The following FAR2 variants were observed in gnomAD, a reference collection of about 807,000 sequenced individuals.
The protein encoded by FAR2 is fatty acyl-CoA reductase 2, also known as epididymis secretory protein Li 81.
In FAR2, 19 loss-of-function variants were observed where a neutral mutation model predicts 56.0. That is an observed-to-expected ratio of 0.34 (90% CI 0.24 to 0.50). The LOEUF is 0.50. FAR2 is among the 20% of genes least tolerant of loss of function. FAR2 has a pLI of 0.98. For missense variants in FAR2, 508 were observed against 642.2 expected (o/e 0.79, Z 2.26); for synonymous variants, 219 against 218.8 (o/e 1.00, Z -0.01).
At chr12:29,188,554 C>T (rs1365821848) in intron 1 of FAR2, among the ~76,000 whole-genome samples, 1 of 152,108 alleles carries the variant, frequency 6.6e-6, no homozygotes, top group African/African-American at 2.4e-5. Flanking sequence ...CACCCAGTTC[C>T]CACCATTGTT....
intron 1 of FAR2, among the ~76,000 whole-genome samples, chr12:29,260,451 TG>T (rs1241883534): frequency 6.6e-6 from 1 of 152,222 alleles, no homozygotes; most frequent in African/African-American, 2.4e-5. Flanking sequence ...TTTGTTTTCC[TG>T]TCAAAGCACT....
intron 1 of FAR2, among the ~76,000 whole-genome samples, chr12:29,221,582 T>C (rs1398288010): frequency 6.6e-6 from 1 of 152,180 alleles, no homozygotes; most frequent in African/African-American, 2.4e-5. Context: ...ATCTATTCGA[T>C]TTCTCTTTTG....
At chr12:29,159,644 TTGGG>T (rs1363234839) in intron 1 of FAR2, among the ~76,000 whole-genome samples, 2 of 152,166 alleles carry the variant, frequency 1.3e-5, no homozygotes, top group African/African-American at 4.8e-5. Flanking sequence ...ACCGCAAGGC[TTGGG>T]GGTTATTAGC....
chr12:29,264,248 A>G (rs1948474170), intron 1 of FAR2, among the ~76,000 whole-genome samples: 2 of 152,194 alleles, frequency 1.3e-5, no homozygotes, highest in African/African-American at 4.8e-5. Flanking sequence ...TTAATGCTGA[A>G]AAAAGCATTT....
chr12:29,282,333 CAG>C (rs1005453882), intron 2 of FAR2: 21 of 152,176 alleles, frequency 1.4e-4, no homozygotes, highest in African/African-American at 5.1e-4. Flanking sequence ...CTGTCTGGGT[CAG>C]AGTTTCTTCT....
chr12:29,275,762 G>T (rs1159469075), intron 2 of FAR2, among the ~76,000 whole-genome samples: 5 of 152,126 alleles, frequency 3.3e-5, no homozygotes, highest in Admixed American at 6.5e-5. Flanking sequence ...GAGTCTTGTG[G>T]TCAACCCAAT....
chr12:29,216,998 G>C (rs1214800912), intron 1 of FAR2, among the ~76,000 whole-genome samples: 1 of 152,178 alleles, frequency 6.6e-6, no homozygotes, highest in East Asian at 1.9e-4. Context: ...CTAATCGCTG[G>C]CATTTAAAGA....
At position 29,321,785 on chromosome 12, in the gene FAR2, G is replaced by T. The variant is rs1231749406; in HGVS notation, c.1128-10G>T. On this transcript the variant is annotated splice_polypyrimidine_tract_variant and intron_variant, in intron 9 of 11. Coordinates refer to ENST00000536681, the MANE Select transcript of FAR2 (RefSeq NM_001271783.2). ...CGCTGATATTTACTCCTATCTGATG[G>T]TTATCTCAGGATGACAAAGCTCATG... 1.2e-6 allele frequency: 2 copies of T among 1,612,154 alleles called. No individual in the cohort carries two copies. The highest frequency in any genetic ancestry group is 1.3e-5 in the African/African-American group (1 of 74,872).
chr12:29,231,122 G>A (rs1180691489), intron 1 of FAR2, among the ~76,000 whole-genome samples: 2 of 152,170 alleles, frequency 1.3e-5, no homozygotes, highest in African/African-American at 2.4e-5. Context: ...TTCCAAACTG[G>A]GACTGGCTGC....
intron 1 of FAR2, among the ~76,000 whole-genome samples, chr12:29,167,031 G>A (rs1389739394): frequency 6.6e-6 from 1 of 151,840 alleles, no homozygotes; most frequent in Non-Finnish European, 1.5e-5. Flanking sequence ...CTTTTTATTT[G>A]TTACTCCCAA....
intron 2 of FAR2, among the ~76,000 whole-genome samples, chr12:29,279,925 A>G (rs570288449): frequency 8.5e-4 from 110 of 128,830 alleles, no homozygotes; most frequent in African/African-American, 3.2e-3. Context: ...ATTGTGCAAT[A>G]TAATTTTTTT....
intron 2 of FAR2, among the ~76,000 whole-genome samples, chr12:29,284,912 G>A (rs1369360298): frequency 2.6e-5 from 4 of 152,108 alleles, no homozygotes; most frequent in Non-Finnish European, 5.9e-5. Flanking sequence ...CGCGATCTCG[G>A]CTCACTGCAA....
intron 9 of FAR2, 116 bp from the exon 10 acceptor site, chr12:29,321,678 AG>A: frequency 8.6e-7 from 1 of 1,159,746 alleles, no homozygotes; most frequent in Non-Finnish European, 1.2e-6. Context: ...AATTTTAATG[AG>A]GAGTGGTAGA....
intron 4 of FAR2, among the ~76,000 whole-genome samples, chr12:29,305,609 T>C (rs1471082789): frequency 6.6e-6 from 1 of 152,216 alleles, no homozygotes; most frequent in Admixed American, 6.5e-5. Context: ...ATGAGTATAA[T>C]TATTGCCATT....
At chr12:29,285,242 A>G (rs186171585) in intron 2 of FAR2, among the ~76,000 whole-genome samples, 6 of 152,282 alleles carry the variant, frequency 3.9e-5, no homozygotes, top group African/African-American at 1.2e-4. Context: ...TCAACTTCCA[A>G]AAATGAATTT....
At chr12:29,308,623 T>C (rs1591954778) in intron 5 of FAR2, among the ~76,000 whole-genome samples, 1 of 151,596 alleles carries the variant, frequency 6.6e-6, no homozygotes, top group Admixed American at 6.6e-5. Flanking sequence ...CACATTTCCC[T>C]CTAGCTGCTC....
chr12:29,307,407 GCCTA>G (rs58056460), intron 4 of FAR2, among the ~76,000 whole-genome samples: 3,313 of 151,306 alleles, frequency 0.022, 101 homozygotes, highest in African/African-American at 0.066. Flanking sequence ...CTACCTGCCT[GCCTA>G]CCTACCTACC....
intron 3 of FAR2, among the ~76,000 whole-genome samples, chr12:29,296,347 T>A (rs1297494168): frequency 6.6e-6 from 1 of 152,204 alleles, no homozygotes; most frequent in Non-Finnish European, 1.5e-5. Context: ...TTCTAGTGAA[T>A]TTGTTTAACT....
chr12:29,235,846 T>C (rs1184218009), intron 1 of FAR2, among the ~76,000 whole-genome samples: 1 of 152,114 alleles, frequency 6.6e-6, no homozygotes, highest in African/African-American at 2.4e-5. Context: ...ACCATATTGC[T>C]TTTCCAATAA....
Sources: gnomAD v4.1 joint callset for allele counts (sites outside exome capture counted in the v4.1 genomes callset) on GRCh38, gnomAD v4.1.1 for gene constraint, MANE v1.5 for transcripts, NCBI Gene and HGNC (gene_info 2026-07-23, HGNC 2026-07-21) for gene names.